PPP3CC: variants seen among roughly 807,000 people sequenced by gnomAD.
PPP3CC encodes protein phosphatase 3 catalytic subunit gamma.
PPP3CC carries 35 observed loss-of-function variants against 60.3 expected under a neutral mutation model. That is an observed-to-expected ratio of 0.58 (90% confidence interval 0.44 to 0.77). The LOEUF (loss-of-function observed/expected upper bound fraction) is 0.77. Among genes scored for constraint, PPP3CC ranks in the 30% least tolerant of loss-of-function variants. PPP3CC has a pLI of 0.00. For missense variants in PPP3CC, 570 were observed against 628.9 expected (o/e 0.91, Z 1.00); for synonymous variants, 206 against 224.3 (o/e 0.92, Z 0.73).
intron 3 of PPP3CC, among the ~76,000 whole-genome samples, chr8:22,490,973 A>G (rs892282032): frequency 2.0e-4 from 30 of 152,158 alleles, no homozygotes; most frequent in African/African-American, 6.8e-4. Context: ...ATATCCAGTA[A>G]TGGGATAAGA....
intron 3 of PPP3CC, chr8:22,492,583 C>A: frequency 2.1e-6 from 1 of 467,162 alleles, no homozygotes; most frequent in Non-Finnish European, 3.9e-6. Flanking sequence ...CCAACCCTAG[C>A]CCCCCACGTT....
rs28764005 is a variant in PPP3CC, at chr8:22,532,775, A to G, written c.1224-146A>G. ...TAAAATGAAAATATTTGTGGAAAACATCCCTTTCTTTGAGTCAGGGAAGGC... is the reference window on the plus strand; with the variant it reads ...TAAAATGAAAATATTTGTGGAAAACGTCCCTTTCTTTGAGTCAGGGAAGGC... On this transcript the variant is annotated intron_variant, in intron 11 of 13. Coordinates refer to ENST00000240139, the MANE Select transcript of PPP3CC (RefSeq NM_005605.5). 30 of 541,610 alleles carry G rather than the reference A, an allele frequency of 5.5e-5. 2 individuals are homozygous for G. Among genetic ancestry groups the G allele is most frequent in the African/African-American group, 4.1e-4 (21 of 50,922 alleles). The allele number at this position is 541,610 out of a possible 1,614,324, so 33.6% of individuals were successfully genotyped here.
intron 1 of PPP3CC, among the ~76,000 whole-genome samples, chr8:22,473,228 CAATTG>C (rs1353993914): frequency 1.3e-5 from 2 of 152,084 alleles, no homozygotes; most frequent in African/African-American, 4.8e-5. Context: ...ATCAGAAATT[CAATTG>C]AACGCCTCCT....
chr8:22,491,713 A>G (rs1838411346), intron 3 of PPP3CC, among the ~76,000 whole-genome samples: 1 of 152,072 alleles, frequency 6.6e-6, no homozygotes, highest in Non-Finnish European at 1.5e-5. Flanking sequence ...TTCCAGTCAT[A>G]TGGGATTTTT....
intron 1 of PPP3CC, among the ~76,000 whole-genome samples, chr8:22,446,161 G>A (rs1836816082): frequency 6.6e-6 from 1 of 152,072 alleles, no homozygotes; most frequent in Admixed American, 6.6e-5. Flanking sequence ...AATTATAAAT[G>A]TACAGCTTAG....
At chr8:22,451,666 C>T (rs781634482) in intron 1 of PPP3CC, among the ~76,000 whole-genome samples, 25 of 152,220 alleles carry the variant, frequency 1.6e-4, no homozygotes, top group Non-Finnish European at 3.5e-4. Flanking sequence ...CTTTTCCATG[C>T]ACAGCATGAT....
rs945897444 is a variant in PPP3CC at position 22,441,123 on chromosome 8, C to A, written c.-287C>A. On this transcript the variant is annotated 5_prime_UTR_variant, in exon 1 of 14. Transcript: ENST00000240139. ...CGCGAGCAGCCGCGGCCGTCCCGGT[C>A]GCCACCCTTAGCAGCGGTCGCGGTC... 6.5e-6 allele frequency: 2 copies of A among 308,218 alleles called. No individual in the cohort carries two copies. Among genetic ancestry groups the A allele is most frequent in the Non-Finnish European group, 5.9e-6 (1 of 168,660 alleles). 19.1% of individuals were successfully genotyped at this position (308,218 alleles called of 1,614,324 possible).
intron 3 of PPP3CC, among the ~76,000 whole-genome samples, chr8:22,487,873 C>T (rs1838272016): frequency 6.6e-6 from 1 of 152,094 alleles, no homozygotes; most frequent in African/African-American, 2.4e-5. Flanking sequence ...ATTCTGGAGG[C>T]AGAGTAAAAA....
chr8:22,458,503 CA>C (rs1837274204), intron 1 of PPP3CC, among the ~76,000 whole-genome samples: 1 of 151,794 alleles, frequency 6.6e-6, no homozygotes, highest in Non-Finnish European at 1.5e-5. Flanking sequence ...GAGGCTGAGA[CA>C]GGAGAATTGC....
intron 11 of PPP3CC, 39 bp downstream of exon 11, chr8:22,532,345 T>A: frequency 6.6e-7 from 1 of 1,510,614 alleles, no homozygotes; most frequent in East Asian, 2.3e-5. Context: ...TTAAAGGCAT[T>A]TTGAGAGTAA....
chr8:22,514,248 CAAAAAAAAAAAAAA>C (rs66505760), intron 6 of PPP3CC, among the ~76,000 whole-genome samples: 4 of 89,492 alleles, frequency 4.5e-5, no homozygotes, highest in South Asian at 3.6e-4. Context: ...ACTCTGTCTC[CAAAAAAAAAAAAAA>C]AAAAAAAAAG....
At chr8:22,475,286 A>G in intron 2 of PPP3CC, 135 bp downstream of exon 2, 2 of 993,942 alleles carry the variant, frequency 2.0e-6, no homozygotes, top group South Asian at 1.7e-5. Flanking sequence ...AGGATTGGTT[A>G]GGATATTTGT....
At chr8:22,538,759 GT>G (rs1196664198) in intron 12 of PPP3CC, among the ~76,000 whole-genome samples, 1 of 152,208 alleles carries the variant, frequency 6.6e-6, no homozygotes, top group African/African-American at 2.4e-5. Context: ...GGCTTTCTTA[GT>G]TACTGGCCAA....
chr8:22,510,013 G>A (rs981310467), intron 4 of PPP3CC, among the ~76,000 whole-genome samples: 15 of 148,094 alleles, frequency 1.0e-4, no homozygotes, highest in Non-Finnish European at 1.8e-4. Flanking sequence ...GTGAAACCCC[G>A]TCCCTACTAA....
intron 6 of PPP3CC, among the ~76,000 whole-genome samples, chr8:22,520,024 C>G (rs567889988): frequency 6.6e-6 from 1 of 152,092 alleles, no homozygotes; most frequent in Non-Finnish European, 1.5e-5. Context: ...ATGACAAACT[C>G]CAGTTTTTGT....
At chr8:22,531,210 ATTTT>A in intron 10 of PPP3CC, 1 of 1,244,168 alleles carries the variant, frequency 8.0e-7, no homozygotes, top group Non-Finnish European at 1.1e-6. Flanking sequence ...TTTCACTTTG[ATTTT>A]TTTTTCTCTT....
At chr8:22,448,048 A>G (rs1836886177) in intron 1 of PPP3CC, among the ~76,000 whole-genome samples, 1 of 152,258 alleles carries the variant, frequency 6.6e-6, no homozygotes, top group African/African-American at 2.4e-5. Flanking sequence ...AAATATTTGA[A>G]GAATTCATTC....
At chr8:22,447,555 C>T (rs1182647335) in intron 1 of PPP3CC, among the ~76,000 whole-genome samples, 1 of 151,894 alleles carries the variant, frequency 6.6e-6, no homozygotes, top group East Asian at 1.9e-4. Flanking sequence ...TGGGCTCAAG[C>T]GATCCTCTTG....
At chr8:22,492,548 G>T in intron 3 of PPP3CC, 1 of 370,832 alleles carries the variant, frequency 2.7e-6, no homozygotes, top group African/African-American at 2.1e-5. Context: ...ATCTCAGCTG[G>T]TGGTCCACCC....
Sources: gnomAD v4.1 joint callset for allele counts (sites outside exome capture counted in the v4.1 genomes callset) on GRCh38, gnomAD v4.1.1 for gene constraint, MANE v1.5 for transcripts, NCBI Gene and HGNC (gene_info 2026-07-23, HGNC 2026-07-21) for gene names.